Variants in RGMA observed in about 807,000 individuals in gnomAD.
The protein encoded by RGMA is repulsive guidance molecule A.
In RGMA, 10 loss-of-function variants were observed where a neutral mutation model predicts 23.2. That is an observed-to-expected ratio of 0.43 (90% CI 0.27 to 0.73). The LOEUF (loss-of-function observed/expected upper bound fraction) is 0.73. RGMA is among the 30% of genes least tolerant of loss of function. The probability of loss-of-function intolerance (pLI) is 0.20; values close to 1 mark genes in which losing one functional copy is unlikely to be tolerated. For missense variants in RGMA, 547 were observed against 630.5 expected (o/e 0.87, Z 1.42); for synonymous variants, 308 against 279.3 (o/e 1.10, Z -1.03).
chr15:93,073,675 AG>A lies in RGMA; in HGVS notation c.15-645del, dbSNP rs1257057766. ...TGAAAAACCCACTTCCGAGTTGTCT[AG>A]GTCTGGGCAGGATGGCTCTCTGCAT... On this transcript the variant is annotated intron_variant, in intron 1 of 3. Transcript: ENST00000329082. 3 of 1,537,214 alleles carry A rather than the reference AG, an allele frequency of 2.0e-6. No homozygotes were observed. In the South Asian group the frequency reaches 3.6e-5, roughly 18 times the overall value.
intron 2 of RGMA, among the ~76,000 whole-genome samples, chr15:93,056,396 G>GCA (rs1434616569): frequency 8.0e-6 from 1 of 125,506 alleles, no homozygotes; most frequent in African/African-American, 2.9e-5. Flanking sequence ...CGGCTAAGAA[G>GCA]CGCCTGAGAC....
At position 93,038,613 on chromosome 15, in the gene RGMA, G is replaced by T. The variant is rs1358908405; in HGVS notation, c.*6385C>A. 2 of 133,690 alleles carry T rather than the reference G, an allele frequency of 1.5e-5. No individual in the cohort carries two copies. Among genetic ancestry groups the T allele is most frequent in the Non-Finnish European group, 3.3e-5 (2 of 59,902 alleles). The allele number at this position is 133,690 out of a possible 1,614,324, so 8.3% of individuals were successfully genotyped here. On this transcript the variant is annotated 3_prime_UTR_variant, in exon 4 of 4. Coordinates refer to ENST00000329082, the MANE Select transcript of RGMA (RefSeq NM_020211.3). ...GACGGTGTCTTGCTCTGTCGCCCAGGCTGGAGGCTGGAGTGCAGTGGTGCG... is the reference window on the plus strand; with the variant it reads ...GACGGTGTCTTGCTCTGTCGCCCAGTCTGGAGGCTGGAGTGCAGTGGTGCG...
chr15:93,075,046 C>T (rs1048613631), intron 1 of RGMA, among the ~76,000 whole-genome samples: 9 of 151,816 alleles, frequency 5.9e-5, no homozygotes, highest in South Asian at 4.2e-4. Context: ...CCAGAAATCA[C>T]GCCCTTCTGG....
intron 2 of RGMA, among the ~76,000 whole-genome samples, chr15:93,056,444 C>T (rs941163020): frequency 1.5e-4 from 23 of 152,196 alleles, no homozygotes; most frequent in African/African-American, 5.3e-4. Flanking sequence ...TGGGCACCTT[C>T]TCCTGCTCCT....
intron 1 of RGMA, among the ~76,000 whole-genome samples, chr15:93,073,405 C>A (rs917466971): frequency 6.6e-6 from 1 of 152,148 alleles, no homozygotes; most frequent in Non-Finnish European, 1.5e-5. Context: ...GCTCCCCGAC[C>A]CTCGCGCCAT....
At chr15:93,088,245 A>AT in intron 1 of RGMA, 2 of 521,808 alleles carry the variant, frequency 3.8e-6, no homozygotes, top group Non-Finnish European at 4.9e-6. Flanking sequence ...CCGCCCTCCC[A>AT]TTGAATACAC....
rs199700087 is a variant in RGMA, at chr15:93,045,472, G to C, written c.879C>G (p.Ala293=). 1 of 1,613,092 alleles carries C rather than the reference G, an allele frequency of 6.2e-7. No individual in the cohort carries two copies. Among genetic ancestry groups the C allele is most frequent in the Non-Finnish European group, 8.5e-7 (1 of 1,179,822 alleles). ...TGACCACTTCCTCTGGCATGCGGAC[G>C]GCAAAGGTCAGGTAGCGGCCCACCT... is the stretch of plus-strand genomic sequence containing the variant. The part of the protein sequence containing the change: ...VRQVGRYLTF[A]VRMPEEVVNA... The change falls in exon 4 of 4, where the codon GCC becomes GCG. Residue 293 remains alanine, a synonymous_variant. Transcript: ENST00000329082. This position sits in a 1 kb window ranked among gnomAD's most constrained non-coding sequence, Gnocchi z 6.9.
chr15:93,044,935 T>C lies in RGMA; in HGVS notation c.*63A>G. On this transcript the variant is annotated 3_prime_UTR_variant, in exon 4 of 4. Transcript: ENST00000329082. ...CAGGAGATCTGCACCCCGTGGGCGGTCCCAGCCCACACATGGGGAAGCCGA... is the reference window on the plus strand; with the variant it reads ...CAGGAGATCTGCACCCCGTGGGCGGCCCCAGCCCACACATGGGGAAGCCGA... 6 of 1,390,162 alleles carry C rather than the reference T, an allele frequency of 4.3e-6. No individual in the cohort carries two copies. Among genetic ancestry groups the C allele is most frequent in the Non-Finnish European group, 5.9e-6 (6 of 1,020,932 alleles). 86.1% of individuals were successfully genotyped at this position (1,390,162 alleles called of 1,614,324 possible).
At chr15:93,057,998 C>T (rs745731872) in intron 2 of RGMA, among the ~76,000 whole-genome samples, 1 of 152,156 alleles carries the variant, frequency 6.6e-6, no homozygotes, top group Non-Finnish European at 1.5e-5. Flanking sequence ...CAAGTTTTCA[C>T]GGCATCCTAA....
Position 93,052,205 on chromosome 15 carries a change from A to C in RGMA, c.433T>G (p.Cys145Gly), listed in dbSNP as rs1414154539. 1 of 1,610,452 alleles carries C rather than the reference A, an allele frequency of 6.2e-7. No individual in the cohort carries two copies. The highest frequency in any genetic ancestry group is 1.1e-5 in the South Asian group (1 of 91,054). Residue 145 changes from cysteine to glycine, a missense_variant, in exon 3 of 4, where the codon TGC becomes GGC. By Grantham distance (159) the Cys-to-Gly change is radical. This residue lies in a region of RGMA where 214 missense variants were observed against 234.7 expected (regional missense o/e 0.91). Transcript: ENST00000329082. The stretch of plus-strand genomic sequence containing the variant: ...TTGTGAAAGCTCTTCTCGTAATGGC[A>C]GATCTCGGGGCTGTCCGAGCGCTCC... ...SQERSDSPEI[C>G]HYEKSFHKHS...
At chr15:93,069,390 G>A (rs747816148) in intron 2 of RGMA, among the ~76,000 whole-genome samples, 15 of 152,222 alleles carry the variant, frequency 9.9e-5, no homozygotes, top group Admixed American at 3.9e-4. Context: ...GGTTACGGGC[G>A]TGAGCCACCG....
rs371552675 is a variant in RGMA at position 93,047,499 on chromosome 15, A to G, written c.646-1794T>C. ...CTAAAATCCCACCTTTATCTGCTGC[A>G]CTACCCTCTCCCAGGCCCGGCAACT... On this transcript the variant is annotated intron_variant, in intron 3 of 3. Coordinates refer to ENST00000329082, the MANE Select transcript of RGMA (RefSeq NM_020211.3). 2.6e-5 allele frequency among the ~76,000 whole-genome samples: 4 copies of G among 152,208 alleles called. No homozygotes were observed. In the South Asian group the frequency reaches 6.2e-4, roughly 24 times the overall value.
intron 1 of RGMA, among the ~76,000 whole-genome samples, chr15:93,087,908 C>G (rs1490719486): frequency 1.3e-5 from 2 of 152,102 alleles, no homozygotes; most frequent in Admixed American, 1.3e-4. Context: ...CTTCTGTAGC[C>G]TCCTTCCTGG....
intron 1 of RGMA, among the ~76,000 whole-genome samples, chr15:93,074,537 T>C (rs2141843282): frequency 6.6e-6 from 1 of 152,344 alleles, no homozygotes; most frequent in East Asian, 1.9e-4. Flanking sequence ...TAGGTGGAAA[T>C]GCCAGACACA....
rs149244941 is a variant in RGMA, at chr15:93,082,318, T to A, written c.14+6601A>T. Reference sequence around the variant, plus strand: ...GACTTCTAGGTGGGTTTTAAGTTCATTTTCAGTTATACTTGAGGCCTGATG... The same window carrying A: ...GACTTCTAGGTGGGTTTTAAGTTCAATTTCAGTTATACTTGAGGCCTGATG... On this transcript the variant is annotated intron_variant, in intron 1 of 3. Transcript: ENST00000329082. Among the ~76,000 whole-genome samples the A allele has an allele frequency of 4.5e-3, 687 of 152,346 alleles. 7 individuals are homozygous for A. Among genetic ancestry groups the A allele is most frequent in the African/African-American group, 0.015 (632 of 41,570 alleles).
chr15:93,085,211 G>A (rs529817653), intron 1 of RGMA, among the ~76,000 whole-genome samples: 1 of 152,224 alleles, frequency 6.6e-6, no homozygotes, highest in East Asian at 1.9e-4. Context: ...GATCTTAAGA[G>A]TCCATGAAGA....
intron 1 of RGMA, among the ~76,000 whole-genome samples, chr15:93,084,151 C>T (rs1895600644): frequency 1.3e-5 from 2 of 152,120 alleles, no homozygotes; most frequent in African/African-American, 2.4e-5. Context: ...AGAAAAAAAC[C>T]TGCGTGGAAG....
chr15:93,064,069 C>T (rs1304972004), intron 2 of RGMA, among the ~76,000 whole-genome samples: 1 of 152,192 alleles, frequency 6.6e-6, no homozygotes, highest in Non-Finnish European at 1.5e-5. Context: ...CTCCCATCCC[C>T]CAGTTCCTCC....
intron 2 of RGMA, among the ~76,000 whole-genome samples, chr15:93,071,743 G>A (rs923321131): frequency 3.3e-5 from 5 of 152,258 alleles, no homozygotes; most frequent in Admixed American, 2.0e-4. Flanking sequence ...CCAGTTGGCG[G>A]AAGAGCAAAT....
Sources: gnomAD v4.1 joint callset for allele counts (sites outside exome capture counted in the v4.1 genomes callset) on GRCh38, gnomAD v4.1.1 for gene constraint, gnomAD v4.1.1 regional missense constraint, Gnocchi (gnomAD v3.1) non-coding constraint, MANE v1.5 for transcripts, NCBI Gene and HGNC (gene_info 2026-07-23, HGNC 2026-07-21) for gene names.